The following LRRC8C variants were observed in gnomAD, a reference collection of about 807,000 sequenced individuals.
LRRC8C encodes leucine rich repeat containing 8 VRAC subunit C, also known as volume-regulated anion channel subunit LRRC8C.
A neutral mutation model predicts 55.3 loss-of-function variants in LRRC8C; 20 were observed. The observed-to-expected ratio is 0.36, with a 90% confidence interval of 0.25 to 0.53. The LOEUF is 0.53. LRRC8C is among the 20% of genes least tolerant of loss of function. The probability of loss-of-function intolerance (pLI) is 0.92; values close to 1 mark genes in which losing one functional copy is unlikely to be tolerated. For synonymous variants in LRRC8C, 376 were observed against 360.7 expected, an observed-to-expected ratio of 1.04 and a Z score of -0.48; for missense variants, 659 against 951.4, an observed-to-expected ratio of 0.69 and a Z score of 4.04.
upstream of LRRC8C, among the ~76,000 whole-genome samples, chr1:89,631,311 G>A (rs1258088851): frequency 1.3e-5 from 2 of 152,132 alleles, no homozygotes; most frequent in Admixed American, 1.3e-4. Flanking sequence ...GAAGAATAGG[G>A]ATTTCATCCT....
In LRRC8C at chr1:89,705,146, C is replaced by T. The variant is rs928444956; in HGVS notation, c.139-7563C>T. 5.9e-4 allele frequency among the ~76,000 whole-genome samples: 89 copies of T among 151,524 alleles called. 1 individual carries two copies. Among genetic ancestry groups the T allele is most frequent in the African/African-American group, 1.9e-3 (78 of 41,188 alleles). On this transcript the variant is annotated intron_variant, in intron 2 of 2. Coordinates refer to ENST00000370454, the MANE Select transcript of LRRC8C (RefSeq NM_032270.5). ...TAGGGACATGGATGAAATTGGAAAT[C>T]ATCATTCTCAGTAAACTATCACAAG...
the LRRC8C span, chr1:89,626,960 GACACACACACACACACACACACACAC>G: frequency 8.2e-5 from 10 of 122,608 alleles, no homozygotes; most frequent in African/African-American, 2.8e-4. Context: ...CTCTAGTCTA[GACACACACACACACACACACACACAC>G]ACACACACAC....
At chr1:89,685,048 TA>T (rs1258326661) in intron 1 of LRRC8C, among the ~76,000 whole-genome samples, 1 of 150,920 alleles carries the variant, frequency 6.6e-6, no homozygotes, top group East Asian at 1.9e-4. Context: ...GCCAAAGCTG[TA>T]ATCAAAGAAG....
chr1:89,681,865 C>T lies in LRRC8C; in HGVS notation c.-4-4605C>T, dbSNP rs114128684. On this transcript the variant is annotated intron_variant, in intron 1 of 2. Coordinates refer to ENST00000370454, the MANE Select transcript of LRRC8C (RefSeq NM_032270.5). ...ACATGTACATATGTAGACATGTAGA[C>T]ATACATGCACATACGCATTTACTCA... Among the ~76,000 whole-genome samples, 40 of 152,258 alleles carry T rather than the reference C, an allele frequency of 2.6e-4. 1 individual carries two copies. The highest frequency in any genetic ancestry group is 3.4e-3 in the Middle Eastern group (1 of 294).
chr1:89,683,465 C>T (rs944327491), intron 1 of LRRC8C, among the ~76,000 whole-genome samples: 19 of 151,428 alleles, frequency 1.3e-4, no homozygotes, highest in African/African-American at 4.1e-4. Flanking sequence ...TGAAGCGATT[C>T]TCCTGCCTCA....
the LRRC8C span, among the ~76,000 whole-genome samples, chr1:89,627,631 T>C: frequency 6.6e-6 from 1 of 152,204 alleles, no homozygotes; most frequent in East Asian, 1.9e-4. Context: ...TAAATACTCC[T>C]TTCCTATAGG....
chr1:89,672,253 C>A (rs1277851603), intron 1 of LRRC8C, among the ~76,000 whole-genome samples: 1 of 152,188 alleles, frequency 6.6e-6, no homozygotes, highest in East Asian at 1.9e-4. Flanking sequence ...ACTTCCTAAA[C>A]CCCCAGTAGT....
intron 1 of LRRC8C, among the ~76,000 whole-genome samples, chr1:89,637,472 T>C (rs1259096927): frequency 6.6e-6 from 1 of 151,190 alleles, no homozygotes; most frequent in Non-Finnish European, 1.5e-5. Context: ...TATGACTCAC[T>C]ATAAATATGA....
intron 2 of LRRC8C, 122 bp downstream of exon 2, chr1:89,686,733 T>G (rs1338768579): frequency 8.9e-7 from 1 of 1,118,966 alleles, no homozygotes; most frequent in East Asian, 2.4e-5. Flanking sequence ...TCTCTGTGGA[T>G]GTATTTGTAA....
At chr1:89,670,595 A>G (rs1657389101) in intron 1 of LRRC8C, among the ~76,000 whole-genome samples, 1 of 152,360 alleles carries the variant, frequency 6.6e-6, no homozygotes, top group East Asian at 1.9e-4. Flanking sequence ...CTTTCTCTTC[A>G]GAAAAATGTC....
intron 2 of LRRC8C, among the ~76,000 whole-genome samples, chr1:89,689,823 C>G (rs1228099242): frequency 6.6e-6 from 1 of 152,052 alleles, no homozygotes; most frequent in Non-Finnish European, 1.5e-5. Flanking sequence ...CACCTGTAAT[C>G]CCAGCTACTC....
At position 89,707,360 on chromosome 1, in the gene LRRC8C, T is replaced by TCG. The variant is rs555426289; in HGVS notation, c.139-5349_139-5348insCG. ...AGGCGGAGGTTGCAGTGAGCTGAGATTGCGCCACTGCACTCCAGCCTGGAC... is the reference window on the plus strand; with the variant it reads ...AGGCGGAGGTTGCAGTGAGCTGAGATCGTGCGCCACTGCACTCCAGCCTGGAC... On this transcript the variant is annotated intron_variant, in intron 2 of 2. Transcript: ENST00000370454. Among the ~76,000 whole-genome samples, 327 of 151,938 alleles carry TCG rather than the reference T, an allele frequency of 2.2e-3. 4 individuals are homozygous for TCG. The highest frequency in any genetic ancestry group is 7.2e-3 in the African/African-American group (297 of 41,268).
the LRRC8C span, among the ~76,000 whole-genome samples, chr1:89,624,351 A>G: frequency 2.0e-5 from 3 of 152,328 alleles, 1 homozygote; most frequent in South Asian, 6.2e-4. Flanking sequence ...CCCATAGAGA[A>G]CTGTCTTCCA....
At chr1:89,646,454 C>G (rs138248917) in intron 1 of LRRC8C, among the ~76,000 whole-genome samples, 1 of 152,094 alleles carries the variant, frequency 6.6e-6, no homozygotes, top group African/African-American at 2.4e-5. Context: ...GGATTTAATC[C>G]CAAGAATGCA....
At chr1:89,627,445 T>C in the LRRC8C span, among the ~76,000 whole-genome samples, 1 of 152,146 alleles carries the variant, frequency 6.6e-6, no homozygotes, top group African/African-American at 2.4e-5. Flanking sequence ...ATTAAGAAGT[T>C]TGCTTTCAGT....
At chr1:89,627,580 T>G in the LRRC8C span, among the ~76,000 whole-genome samples, 1 of 152,154 alleles carries the variant, frequency 6.6e-6, no homozygotes, top group African/African-American at 2.4e-5. Flanking sequence ...AAAAGTACAT[T>G]ATTAACCTTA....
chr1:89,621,022 C>T, the LRRC8C span, among the ~76,000 whole-genome samples: 86 of 152,264 alleles, frequency 5.6e-4, no homozygotes, highest in African/African-American at 1.8e-3. Context: ...GTAGATGTAA[C>T]GTTGCAGAGA....
chr1:89,680,539 T>C (rs919759019), intron 1 of LRRC8C, among the ~76,000 whole-genome samples: 2 of 145,744 alleles, frequency 1.4e-5, no homozygotes, highest in African/African-American at 5.1e-5. Flanking sequence ...AGGTGTTTCA[T>C]GCTTTCATGC....
chr1:89,632,471 CAAG>C (rs1328511567), upstream of LRRC8C, among the ~76,000 whole-genome samples: 2 of 152,182 alleles, frequency 1.3e-5, no homozygotes, highest in Non-Finnish European at 2.9e-5. Flanking sequence ...CTTCATGATC[CAAG>C]GATATTGGGT....
Sources: allele counts gnomAD v4.1 joint callset (sites outside exome capture counted in the v4.1 genomes callset), GRCh38; gene constraint gnomAD v4.1.1; transcripts MANE v1.5; gene names NCBI Gene and HGNC (gene_info 2026-07-23, HGNC 2026-07-21).